STXBP5L: variants seen among roughly 807,000 people sequenced by gnomAD.
STXBP5L encodes the protein syntaxin-binding protein 5-like.
STXBP5L carries 65 observed loss-of-function variants against 144.5 expected under a neutral mutation model. The ratio of observed to expected loss-of-function variants is 0.45; its 90% CI spans 0.37 to 0.55. The LOEUF is 0.55. Among genes scored for constraint, STXBP5L ranks in the 20% least tolerant of loss-of-function variants. STXBP5L has a pLI of 0.00. For missense variants in STXBP5L, 1,298 were observed against 1,405.5 expected (o/e 0.92, Z 1.22); for synonymous variants, 505 against 469.6 (o/e 1.08, Z -0.97).
chr3:120,995,217 G>A (rs1020109610), intron 3 of STXBP5L, among the ~76,000 whole-genome samples: 2 of 152,116 alleles, frequency 1.3e-5, no homozygotes, highest in African/African-American at 4.8e-5. Context: ...GCATGATCAT[G>A]GCTCACAGCA....
intron 9 of STXBP5L, among the ~76,000 whole-genome samples, chr3:121,187,947 A>G (rs181950762): frequency 6.6e-6 from 1 of 152,348 alleles, no homozygotes; most frequent in African/African-American, 2.4e-5. Context: ...GAAGGGCATT[A>G]CATAATGGTA....
chr3:121,356,183 A>G (rs930731379), intron 20 of STXBP5L, among the ~76,000 whole-genome samples: 7 of 152,374 alleles, frequency 4.6e-5, no homozygotes, highest in African/African-American at 1.7e-4. Context: ...GTCTGTTCTC[A>G]GAGTTCAAAC....
chr3:121,217,620 C>G (rs1191093183), intron 10 of STXBP5L, among the ~76,000 whole-genome samples: 1 of 152,086 alleles, frequency 6.6e-6, no homozygotes, highest in Non-Finnish European at 1.5e-5. Context: ...AGAGCTGTTC[C>G]TATTTGGCCA....
At chr3:121,205,890 A>T in intron 9 of STXBP5L, 33 bp from the exon 10 acceptor site, 1 of 1,181,262 alleles carries the variant, frequency 8.5e-7, no homozygotes, top group Middle Eastern at 2.9e-4. Flanking sequence ...ATATAATTTA[A>T]ATTAGATTCA....
At chr3:121,090,585 A>T (rs2107730542) in intron 5 of STXBP5L, among the ~76,000 whole-genome samples, 1 of 152,244 alleles carries the variant, frequency 6.6e-6, no homozygotes, top group South Asian at 2.1e-4. Flanking sequence ...GAGTTTAGTT[A>T]ATTATGATTA....
At chr3:121,294,177 T>A (rs929761532) in intron 19 of STXBP5L, among the ~76,000 whole-genome samples, 9 of 152,156 alleles carry the variant, frequency 5.9e-5, no homozygotes, top group Non-Finnish European at 1.2e-4. Context: ...AAGGCGAGTA[T>A]TGCACTCCAG....
At chr3:121,413,736 G>C (rs1465148575) in intron 24 of STXBP5L, among the ~76,000 whole-genome samples, 1 of 152,092 alleles carries the variant, frequency 6.6e-6, no homozygotes, top group Non-Finnish European at 1.5e-5. Context: ...TATATCCTGT[G>C]GGTTAGAATT....
intron 7 of STXBP5L, among the ~76,000 whole-genome samples, chr3:121,124,605 C>T (rs935375534): frequency 5.3e-5 from 8 of 151,866 alleles, no homozygotes; most frequent in African/African-American, 1.9e-4. Flanking sequence ...TTTAGATTAT[C>T]AAATATTATT....
chr3:121,276,231 A>G (rs1023396881), intron 18 of STXBP5L, among the ~76,000 whole-genome samples: 1 of 151,980 alleles, frequency 6.6e-6, no homozygotes, highest in African/African-American at 2.4e-5. Context: ...AAATAAGTAG[A>G]TAAATAAATG....
At chr3:121,240,412 A>G (rs755775112) in intron 13 of STXBP5L, 28 bp from the exon 14 acceptor site, 1 of 1,602,768 alleles carries the variant, frequency 6.2e-7, no homozygotes, top group South Asian at 1.1e-5. Flanking sequence ...AAACATGTAT[A>G]TATATTCTTT....
At chr3:121,313,739 C>A (rs1186813498) in intron 19 of STXBP5L, among the ~76,000 whole-genome samples, 2 of 117,274 alleles carry the variant, frequency 1.7e-5, no homozygotes, top group Non-Finnish European at 3.7e-5. Flanking sequence ...GGGGGCTGAC[C>A]CCCCCCACCT....
chr3:121,264,907 G>A (rs1577332027), intron 18 of STXBP5L, among the ~76,000 whole-genome samples: 1 of 151,660 alleles, frequency 6.6e-6, no homozygotes, highest in African/African-American at 2.4e-5. Context: ...TAATAGTAAA[G>A]GGATCAATGT....
intron 5 of STXBP5L, among the ~76,000 whole-genome samples, chr3:121,111,802 G>A (rs1179554286): frequency 6.6e-6 from 1 of 152,214 alleles, no homozygotes; most frequent in East Asian, 1.9e-4. Context: ...CACTTCCCAG[G>A]TTCTGCAGAG....
rs984384995 is a variant in STXBP5L, at chr3:121,420,685, A to C, written c.*1588A>C. On this transcript the variant is annotated 3_prime_UTR_variant, in exon 27 of 27. Coordinates refer to ENST00000471454, the MANE Select transcript of STXBP5L (RefSeq NM_001308330.2). ...AAAGTTTTAATTATGGTTTTGGCTT[A>C]TTGAATTTTTGTTTATCAAGGTCTC... The C allele has an allele frequency of 6.6e-6, 1 of 152,110 alleles. No individual in the cohort carries two copies. The highest frequency in any genetic ancestry group is 6.6e-5 in the Admixed American group (1 of 15,258). The allele number at this position is 152,110 out of a possible 1,614,324, so 9.4% of individuals were successfully genotyped here. A position where few individuals can be genotyped will look rare whatever the true frequency, so the allele number is the denominator to read the frequency against.
intron 10 of STXBP5L, among the ~76,000 whole-genome samples, 176 bp downstream of exon 10, chr3:121,206,177 T>C (rs1427686869): frequency 6.6e-6 from 1 of 152,176 alleles, no homozygotes; most frequent in Non-Finnish European, 1.5e-5. Context: ...TTATTATGAT[T>C]ATTATAAATT....
chr3:121,387,834 T>G (rs1028256868), intron 22 of STXBP5L, among the ~76,000 whole-genome samples: 1 of 152,148 alleles, frequency 6.6e-6, no homozygotes, highest in Non-Finnish European at 1.5e-5. Flanking sequence ...GTCAGGTAGC[T>G]TGATGCCTCC....
intron 7 of STXBP5L, among the ~76,000 whole-genome samples, chr3:121,151,556 G>T (rs537394463): frequency 5.7e-4 from 87 of 152,182 alleles, no homozygotes; most frequent in African/African-American, 2.0e-3. Flanking sequence ...TATATTTTCT[G>T]TTCTTACCAA....
chr3:121,204,659 G>A (rs1254258521), intron 9 of STXBP5L, among the ~76,000 whole-genome samples: 1 of 151,738 alleles, frequency 6.6e-6, no homozygotes, highest in Admixed American at 6.5e-5. Context: ...AATAGATAAT[G>A]TATTACATAG....
chr3:121,007,006 G>A (rs1265215982), intron 3 of STXBP5L, among the ~76,000 whole-genome samples: 8 of 151,992 alleles, frequency 5.3e-5, no homozygotes, highest in African/African-American at 1.9e-4. Flanking sequence ...TTCAACTTTG[G>A]TGAATCTGAC....
Sources: allele counts gnomAD v4.1 joint callset (sites outside exome capture counted in the v4.1 genomes callset), GRCh38; gene constraint gnomAD v4.1.1; transcripts MANE v1.5; gene names NCBI Gene and HGNC (gene_info 2026-07-23, HGNC 2026-07-21).